Variants in RTKN2 observed in about 807,000 individuals in gnomAD.
The protein encoded by RTKN2 is rhotekin 2.
Under a neutral mutation model 71.5 loss-of-function variants are expected in RTKN2, and 69 were observed. That is an observed-to-expected ratio of 0.96 (90% confidence interval 0.79 to 1.18). The LOEUF is 1.18. Among genes scored for constraint, RTKN2 ranks in the 50% most tolerant of loss-of-function variants. RTKN2 has a pLI of 0.00. For synonymous variants in RTKN2, 236 were observed against 236.5 expected (o/e 1.00, Z 0.02); for missense variants, 724 against 719.7 (o/e 1.01, Z -0.07).
chr10:62,262,888 C>G lies in RTKN2; in HGVS notation c.61-67G>C, dbSNP rs1033368367. On this transcript the variant is annotated intron_variant, in intron 1 of 11. Coordinates refer to ENST00000373789, the MANE Select transcript of RTKN2 (RefSeq NM_145307.4). Reference sequence around the variant, plus strand: ...AATTACATCTTAACCCATAATAGATCGAAAATAGGTATCATAATTGTATAC... The same window carrying G: ...AATTACATCTTAACCCATAATAGATGGAAAATAGGTATCATAATTGTATAC... 52 of 921,864 alleles carry G rather than the reference C, an allele frequency of 5.6e-5. No individual in the cohort carries two copies. The East Asian group carries it at 1.3e-3, about 24-fold the overall frequency. The allele number at this position is 921,864 out of a possible 1,614,324, so 57.1% of individuals were successfully genotyped here.
At chr10:62,239,616 T>A in intron 5 of RTKN2, 32 bp downstream of exon 5, 2 of 991,376 alleles carry the variant, frequency 2.0e-6, no homozygotes, top group Non-Finnish European at 3.0e-6. Context: ...TTTTAAATTA[T>A]TTTTATTCTC....
At chr10:62,207,860 G>C (rs1312921148) in intron 9 of RTKN2, among the ~76,000 whole-genome samples, 1 of 152,120 alleles carries the variant, frequency 6.6e-6, no homozygotes. Context: ...GAGGAAACAT[G>C]TTCTGTGAGA....
intron 11 of RTKN2, among the ~76,000 whole-genome samples, chr10:62,199,240 A>C (rs1841391197): frequency 6.6e-6 from 1 of 152,212 alleles, no homozygotes; most frequent in African/African-American, 2.4e-5. Context: ...CACAAAAATA[A>C]ACACCCTTCA....
chr10:62,210,972 A>G (rs1841647419), intron 9 of RTKN2, among the ~76,000 whole-genome samples: 1 of 152,160 alleles, frequency 6.6e-6, no homozygotes, highest in Non-Finnish European at 1.5e-5. Context: ...AGTTAAAAGT[A>G]TTTTCAAAAC....
At position 62,260,372 on chromosome 10, in the gene RTKN2, C is replaced by T. The variant is rs116785053; in HGVS notation, c.257+2253G>A. 7.6e-3 allele frequency among the ~76,000 whole-genome samples: 1,163 copies of T among 152,218 alleles called. 12 individuals carry two copies. The highest frequency in any genetic ancestry group is 0.027 in the African/African-American group (1,117 of 41,526). ...AAGTCATTTTTGTGTAATAACAAAGCAATTATAATTTCTAGTTATATCTGA... is the reference window on the plus strand; with the variant it reads ...AAGTCATTTTTGTGTAATAACAAAGTAATTATAATTTCTAGTTATATCTGA... On this transcript the variant is annotated intron_variant, in intron 2 of 11. Transcript: ENST00000373789.
chr10:62,190,106 T>C (rs1306383031), downstream of RTKN2, among the ~76,000 whole-genome samples: 1 of 152,162 alleles, frequency 6.6e-6, no homozygotes, highest in African/African-American at 2.4e-5. Flanking sequence ...GGCCAAGCAT[T>C]ATGCACAGAA....
chr10:62,238,655 C>G (rs1236983412), intron 5 of RTKN2: 1 of 151,986 alleles, frequency 6.6e-6, no homozygotes, highest in African/African-American at 2.4e-5. Flanking sequence ...TGGTTCAATA[C>G]AGCTTGTAAG....
chr10:62,214,632 A>T (rs1400568899), intron 9 of RTKN2, among the ~76,000 whole-genome samples: 2 of 152,176 alleles, frequency 1.3e-5, no homozygotes, highest in Non-Finnish European at 2.9e-5. Context: ...CACACTGACT[A>T]CAATAACACA....
chr10:62,243,340 T>C (rs1470123747), intron 3 of RTKN2, among the ~76,000 whole-genome samples: 3 of 152,156 alleles, frequency 2.0e-5, no homozygotes, highest in African/African-American at 7.2e-5. Context: ...GAATGCTTTA[T>C]TGTTTTGTAA....
chr10:62,254,969 T>TA (rs2133069889), intron 2 of RTKN2, among the ~76,000 whole-genome samples: 1 of 151,946 alleles, frequency 6.6e-6, no homozygotes, highest in East Asian at 1.9e-4. Flanking sequence ...ACCCTGTCTC[T>TA]AAAAAAATTA....
intron 2 of RTKN2, among the ~76,000 whole-genome samples, chr10:62,251,572 T>C (rs1589380473): frequency 6.6e-6 from 1 of 152,168 alleles, no homozygotes; most frequent in South Asian, 2.1e-4. Context: ...AGAAAACTAC[T>C]ATAAATAAAA....
intron 6 of RTKN2, among the ~76,000 whole-genome samples, chr10:62,228,230 T>C (rs1464929861): frequency 6.6e-6 from 1 of 152,154 alleles, no homozygotes; most frequent in Non-Finnish European, 1.5e-5. Flanking sequence ...CTCCATTAAA[T>C]GAAGAGCAAT....
intron 9 of RTKN2, among the ~76,000 whole-genome samples, chr10:62,216,587 T>C (rs796986395): frequency 1.2e-4 from 18 of 152,212 alleles, no homozygotes; most frequent in African/African-American, 4.3e-4. Context: ...AGTATATATA[T>C]ACTTGACAAA....
chr10:62,230,897 GACCTATTA>G (rs1842135121), intron 6 of RTKN2, among the ~76,000 whole-genome samples: 1 of 152,110 alleles, frequency 6.6e-6, no homozygotes, highest in Admixed American at 6.6e-5. Flanking sequence ...TGAGTGCAGG[GACCTATTA>G]ACCTTTGAAT....
intron 9 of RTKN2, among the ~76,000 whole-genome samples, chr10:62,205,772 T>A (rs1841537511): frequency 6.6e-6 from 1 of 152,174 alleles, no homozygotes; most frequent in Admixed American, 6.5e-5. Flanking sequence ...TAGAAGATTC[T>A]GAGAAGTCTA....
Position 62,217,165 on chromosome 10 carries a change from C to T in RTKN2, c.973G>A (p.Glu325Lys). Residue 325 changes from glutamate (E) to lysine (K), a missense_variant, in exon 9 of 12, where the codon GAA (glutamate) becomes AAA (lysine). By Grantham distance (56) the Glu-to-Lys change is moderately conservative (BLOSUM62 1). Coordinates refer to ENST00000373789, the MANE Select transcript of RTKN2 (RefSeq NM_145307.4). ...GKLYCFYSPE[E>K]IEAKVEPALV... ...GCTGGTTCCACTTTAGCTTCAATTT[C>T]CTCTGGACTGTAAAAACAATAGAGT... 5.6e-6 allele frequency: 9 copies of T among 1,602,942 alleles called. No homozygotes were observed. The highest frequency in any genetic ancestry group is 7.7e-6 in the Non-Finnish European group (9 of 1,174,794).
In RTKN2 at chr10:62,262,780, C is replaced by T. The variant is rs553000309; in HGVS notation, c.102G>A (p.Met34Ile). ...IQEKIDLEIR[M>I]REGIWKLLSL... ...AAAGGAGTTTCCATATTCCTTCTCG[C>T]ATTCGAATTTCTAAGTCTATTTTTT... The change falls in exon 2 of 12, where the codon ATG becomes ATA. Residue 34 changes from methionine to isoleucine, a missense_variant. Transcript: ENST00000373789. 19 of 1,610,642 alleles carry T rather than the reference C, an allele frequency of 1.2e-5. No homozygotes were observed. In the South Asian group the frequency reaches 1.7e-4, roughly 14 times the overall value.
chr10:62,188,194 CAGA>C (rs1210877275), downstream of RTKN2, among the ~76,000 whole-genome samples: 1 of 152,184 alleles, frequency 6.6e-6, no homozygotes, highest in East Asian at 1.9e-4. Flanking sequence ...TGGAATTTCT[CAGA>C]AGGTCGCAGT....
At chr10:62,241,983 G>A (rs956026493) in intron 3 of RTKN2, among the ~76,000 whole-genome samples, 2 of 151,602 alleles carry the variant, frequency 1.3e-5, no homozygotes, top group African/African-American at 4.8e-5. Flanking sequence ...ACAGGCGTGA[G>A]CCACTGTGCC....
Sources: gnomAD v4.1 joint callset for allele counts (sites outside exome capture counted in the v4.1 genomes callset) on GRCh38, gnomAD v4.1.1 for gene constraint, MANE v1.5 for transcripts, NCBI Gene and HGNC (gene_info 2026-07-23, HGNC 2026-07-21) for gene names.